NXPH2: variants seen among roughly 807,000 people sequenced by gnomAD.
NXPH2 encodes the protein neurexophilin 2, also known as neurexophilin-2.
Under a neutral mutation model 19.8 loss-of-function variants are expected in NXPH2, and 5 were observed. The ratio of observed to expected loss-of-function variants is 0.25; its 90% CI spans 0.13 to 0.53. The LOEUF (loss-of-function observed/expected upper bound fraction) is 0.53. NXPH2 is among the 20% of genes least tolerant of loss of function. The pLI is 0.96. For missense variants in NXPH2, 289 were observed against 322.8 expected (o/e 0.90, Z 0.80); for synonymous variants, 154 against 127.4 (o/e 1.21, Z -1.41).
intron 1 of NXPH2, among the ~76,000 whole-genome samples, chr2:138,724,210 TG>T (rs1184483035): frequency 1.3e-5 from 2 of 152,214 alleles, no homozygotes; most frequent in Non-Finnish European, 2.9e-5. Flanking sequence ...TCTGTTCCTG[TG>T]TTAGTTCCAG....
intron 1 of NXPH2, among the ~76,000 whole-genome samples, chr2:138,738,334 A>T (rs1347016237): frequency 1.3e-5 from 2 of 152,214 alleles, no homozygotes; most frequent in Non-Finnish European, 2.9e-5. Context: ...ATGAAGAAAG[A>T]AAACACTTGG....
intron 1 of NXPH2, among the ~76,000 whole-genome samples, chr2:138,687,138 A>G (rs1270694039): frequency 6.6e-6 from 1 of 152,228 alleles, no homozygotes; most frequent in Admixed American, 6.5e-5. Flanking sequence ...ACTGTCTTCC[A>G]CAATGGTTGA....
At chr2:138,707,437 C>A (rs890220291) in intron 1 of NXPH2, among the ~76,000 whole-genome samples, 1 of 152,038 alleles carries the variant, frequency 6.6e-6, no homozygotes, top group African/African-American at 2.4e-5. Context: ...TCACTTGTGG[C>A]CTGATCTGGG....
chr2:138,679,668 G>A (rs1680542926), intron 1 of NXPH2, among the ~76,000 whole-genome samples: 1 of 152,112 alleles, frequency 6.6e-6, no homozygotes, highest in African/African-American at 2.4e-5. Flanking sequence ...CCAAAGTGTT[G>A]GGATTACAGG....
intron 1 of NXPH2, among the ~76,000 whole-genome samples, chr2:138,760,752 C>T (rs1681998749): frequency 6.6e-6 from 1 of 152,186 alleles, no homozygotes; most frequent in African/African-American, 2.4e-5. Context: ...TTTTTAGAAA[C>T]TATCCCAGAT....
At chr2:138,769,569 C>T (rs1423289008) in intron 1 of NXPH2, among the ~76,000 whole-genome samples, 2 of 152,176 alleles carry the variant, frequency 1.3e-5, no homozygotes, top group East Asian at 1.9e-4. Flanking sequence ...GCATGCTGAG[C>T]AGGCTGTAAC....
chr2:138,747,391 C>A (rs879288151), intron 1 of NXPH2, among the ~76,000 whole-genome samples: 1 of 152,112 alleles, frequency 6.6e-6, no homozygotes, highest in Non-Finnish European at 1.5e-5. Context: ...TGGGACTGTG[C>A]TTTGACACTA....
intron 1 of NXPH2, 108 bp downstream of exon 1, chr2:138,780,083 C>T: frequency 8.5e-7 from 1 of 1,169,696 alleles, no homozygotes; most frequent in Non-Finnish European, 1.1e-6. Flanking sequence ...CGCCCCCAAC[C>T]CCACTTCCCA....
chr2:138,723,617 A>G (rs1009702853), intron 1 of NXPH2, among the ~76,000 whole-genome samples: 4 of 152,178 alleles, frequency 2.6e-5, no homozygotes, highest in Non-Finnish European at 5.9e-5. Flanking sequence ...TTACTTCATA[A>G]AAGGAAACTG....
intron 1 of NXPH2, among the ~76,000 whole-genome samples, chr2:138,770,061 G>C (rs1682153436): frequency 6.6e-6 from 1 of 151,966 alleles, no homozygotes; most frequent in Non-Finnish European, 1.5e-5. Flanking sequence ...GGTTGGTTGA[G>C]GAAAAAACCT....
At chr2:138,752,426 TA>T (rs1375607017) in intron 1 of NXPH2, among the ~76,000 whole-genome samples, 2 of 152,286 alleles carry the variant, frequency 1.3e-5, no homozygotes, top group African/African-American at 4.8e-5. Context: ...CTGAGACATG[TA>T]CAACCTCATA....
chr2:138,678,429 T>C (rs1444359581), intron 1 of NXPH2, among the ~76,000 whole-genome samples: 1 of 152,206 alleles, frequency 6.6e-6, no homozygotes, highest in African/African-American at 2.4e-5. Flanking sequence ...GGTTGCAGAC[T>C]GTTGTTATTA....
chr2:138,696,016 A>T (rs1680823365), intron 1 of NXPH2, among the ~76,000 whole-genome samples: 1 of 151,744 alleles, frequency 6.6e-6, no homozygotes. Flanking sequence ...CCTGTCTCTA[A>T]AAATAAATAA....
chr2:138,770,336 A>T (rs966414478), intron 1 of NXPH2, among the ~76,000 whole-genome samples: 5 of 152,286 alleles, frequency 3.3e-5, no homozygotes, highest in African/African-American at 1.2e-4. Context: ...TCTAAATAAA[A>T]TGCTAAAAAC....
intron 1 of NXPH2, among the ~76,000 whole-genome samples, chr2:138,695,728 C>A (rs1401313046): frequency 6.6e-6 from 1 of 151,864 alleles, no homozygotes; most frequent in Admixed American, 6.6e-5. Context: ...AGAGATTTTA[C>A]ATATTATCAA....
Position 138,694,197 on chromosome 2 carries a change from G to A in NXPH2, c.52-22532C>T, listed in dbSNP as rs992631326. On this transcript the variant is annotated intron_variant, in intron 1 of 1. Coordinates refer to ENST00000272641, the MANE Select transcript of NXPH2 (RefSeq NM_007226.3). ...ATTTTCCTCTAATGCTTCCTCAGTG[G>A]AGCACTACACCGCTTTTGGTTTGAT... Among the ~76,000 whole-genome samples, 4 of 152,098 alleles carry A rather than the reference G, an allele frequency of 2.6e-5. No individual in the cohort carries two copies. The South Asian group carries it at 8.3e-4, about 32-fold the overall frequency.
intron 1 of NXPH2, among the ~76,000 whole-genome samples, chr2:138,771,897 C>G (rs553779565): frequency 3.4e-4 from 51 of 152,214 alleles, no homozygotes; most frequent in Middle Eastern, 3.4e-3. Flanking sequence ...ATAACATCCA[C>G]TACAATATTA....
chr2:138,735,089 G>A (rs891204166), intron 1 of NXPH2, among the ~76,000 whole-genome samples: 38 of 152,154 alleles, frequency 2.5e-4, no homozygotes, highest in Non-Finnish European at 1.6e-4. Flanking sequence ...TAGAAATGGC[G>A]CTGTTCTGGC....
intron 1 of NXPH2, among the ~76,000 whole-genome samples, chr2:138,681,298 C>A (rs1680576947): frequency 6.6e-6 from 1 of 152,110 alleles, no homozygotes; most frequent in East Asian, 1.9e-4. Context: ...ATAGTTTTCA[C>A]AGGGATTACT....
Sources: allele counts gnomAD v4.1 joint callset (sites outside exome capture counted in the v4.1 genomes callset), GRCh38; gene constraint gnomAD v4.1.1; transcripts MANE v1.5; gene names NCBI Gene and HGNC (gene_info 2026-07-23, HGNC 2026-07-21).